Variants in CACNA1C observed in about 807,000 individuals in gnomAD.
CACNA1C encodes the protein calcium voltage-gated channel subunit alpha1 C, also known as voltage-dependent L-type calcium channel subunit alpha-1C.
Under a neutral mutation model 229.0 loss-of-function variants are expected in CACNA1C, and 30 were observed. The ratio of observed to expected loss-of-function variants is 0.13; its 90% CI spans 0.10 to 0.18. CACNA1C has a LOEUF of 0.18. CACNA1C is among the 10% of genes least tolerant of loss of function. The probability of loss-of-function intolerance (pLI) is 1.00; values close to 1 mark genes in which losing one functional copy is unlikely to be tolerated. For synonymous variants in CACNA1C, 1,114 were observed against 1,132.5 expected, an observed-to-expected ratio of 0.98 and a Z score of 0.33; for missense variants, 1,658 against 2,845.0, an observed-to-expected ratio of 0.58 and a Z score of 9.49.
Position 2,346,932 on chromosome 12 carries a change from C to T in CACNA1C, c.478-102044C>T, listed in dbSNP as rs569872418. 1.3e-5 allele frequency among the ~76,000 whole-genome samples: 2 copies of T among 152,294 alleles called. No homozygotes were observed. The highest frequency in any genetic ancestry group is 3.9e-4 in the East Asian group (2 of 5,184). Reference sequence around the variant, plus strand: ...ATTTTTGCTGGTGTCTCCCTCTTCTCAGAATGCTAGTCCTTTGTATAACCC... The same window carrying T: ...ATTTTTGCTGGTGTCTCCCTCTTCTTAGAATGCTAGTCCTTTGTATAACCC... On this transcript the variant is annotated intron_variant, in intron 3 of 46. Coordinates refer to ENST00000399655, the MANE Select transcript of CACNA1C (RefSeq NM_000719.7). The surrounding 1 kb of genome is among the most constrained non-coding windows in gnomAD (Gnocchi z 4.4).
rs527626072 is a variant in CACNA1C, at chr12:2,597,969, G to A, written c.2853+680G>A. 5.3e-5 allele frequency among the ~76,000 whole-genome samples: 8 copies of A among 152,356 alleles called. No individual in the cohort carries two copies. In the South Asian group the frequency reaches 1.7e-3, roughly 32 times the overall value. ...TACTCTCTTTGGATGCCCATCCTTAGCACCTTCCTCAGTACTTGCAGCAGA... is the reference window on the plus strand; with the variant it reads ...TACTCTCTTTGGATGCCCATCCTTAACACCTTCCTCAGTACTTGCAGCAGA... On this transcript the variant is annotated intron_variant, in intron 21 of 46. Transcript: ENST00000399655. This position sits in a 1 kb window ranked among gnomAD's most constrained non-coding sequence, Gnocchi z 4.3.
At chr12:2,399,122 G>A (rs73037256) in intron 3 of CACNA1C, among the ~76,000 whole-genome samples, 9,706 of 152,242 alleles carry the variant, frequency 0.064, 341 homozygotes, top group African/African-American at 0.098. Flanking sequence ...GCAGGTGAGT[G>A]GGTGCAGGAG....
At chr12:2,167,375 T>G (rs1001568838) in intron 3 of CACNA1C, among the ~76,000 whole-genome samples, 4 of 152,244 alleles carry the variant, frequency 2.6e-5, no homozygotes, top group Admixed American at 1.3e-4. Flanking sequence ...TCTCCATTGA[T>G]TGCCTATTAA....
rs887001 is a variant in CACNA1C at position 2,485,845 on chromosome 12, A to C, written c.758-259A>C. 0.39 allele frequency among the ~76,000 whole-genome samples: 59,754 copies of C among 152,016 alleles called. 12,868 individuals are homozygous for C. Among genetic ancestry groups the C allele is most frequent in the East Asian group, 0.74 (3,808 of 5,142 alleles). ...TTTGACAGTTATGGATGGAAACAAC[A>C]TGTTCTTCCCCTTGGAAGTACAGCA... On this transcript the variant is annotated intron_variant, in intron 5 of 46. Transcript: ENST00000399655.
rs190221767 is a variant in CACNA1C at position 2,228,674 on chromosome 12, G to C, written c.477+108244G>C. On this transcript the variant is annotated intron_variant, in intron 3 of 46. Coordinates refer to ENST00000399655, the MANE Select transcript of CACNA1C (RefSeq NM_000719.7). ...GTGAATATTCAGCTCCTTTTCTCCAGGTACACTCATTCCATCATTTCATCT... is the reference window on the plus strand; with the variant it reads ...GTGAATATTCAGCTCCTTTTCTCCACGTACACTCATTCCATCATTTCATCT... Among the ~76,000 whole-genome samples the C allele has an allele frequency of 3.1e-3, 474 of 152,272 alleles. 2 individuals are homozygous for C. Among genetic ancestry groups the C allele is most frequent in the African/African-American group, 0.011 (460 of 41,556 alleles).
chr12:2,680,293 G>A (rs1175744178), intron 42 of CACNA1C: 1 of 1,163,162 alleles, frequency 8.6e-7, no homozygotes, highest in Non-Finnish European at 1.2e-6. Flanking sequence ...GATCATTCCT[G>A]GAGGTCTTGA....
At chr12:2,648,008 C>T (rs1190673985) in intron 30 of CACNA1C, among the ~76,000 whole-genome samples, 1 of 152,026 alleles carries the variant, frequency 6.6e-6, no homozygotes, top group African/African-American at 2.4e-5. Flanking sequence ...CATGGTGGCA[C>T]GTTCCTATAG....
chr12:2,083,767 A>G (rs1038459135), intron 1 of CACNA1C, among the ~76,000 whole-genome samples: 16 of 152,216 alleles, frequency 1.1e-4, no homozygotes, highest in Non-Finnish European at 1.9e-4. Context: ...AGAGCTGTCA[A>G]TAAATACTGA....
rs367860917 is a variant in CACNA1C, at chr12:2,486,252, G to A, written c.906G>A (p.Glu302=). 92 of 1,613,148 alleles carry A rather than the reference G, an allele frequency of 5.7e-5. No individual in the cohort carries two copies. In the Middle Eastern group the frequency reaches 9.9e-4, roughly 17 times the overall value. Residue 302 remains glutamate (E), a synonymous_variant, in exon 6 of 47, where the codon GAG becomes GAA. Coordinates refer to ENST00000399655, the MANE Select transcript of CACNA1C (RefSeq NM_000719.7). This position sits in a 1 kb window ranked among gnomAD's most constrained non-coding sequence, Gnocchi z 4.9. ...TGCACAAGACCTGCTACAACCAGGA[G>A]GGCATAGCAGGTAAGAGGGGCAGGC... ...GKMHKTCYNQ[E]GIADVPAEDD...
At chr12:2,320,142 G>A (rs1404912728) in intron 3 of CACNA1C, among the ~76,000 whole-genome samples, 1 of 152,122 alleles carries the variant, frequency 6.6e-6, no homozygotes, top group Non-Finnish European at 1.5e-5. Context: ...TACTGACCTG[G>A]GCCCCTGACT....
chr12:2,298,537 T>C (rs2094280833), intron 3 of CACNA1C, among the ~76,000 whole-genome samples: 1 of 152,144 alleles, frequency 6.6e-6, no homozygotes, highest in Admixed American at 6.5e-5. Context: ...GACCTTGTGA[T>C]CTGCCCGCCT....
intron 3 of CACNA1C, among the ~76,000 whole-genome samples, chr12:2,185,811 G>A (rs375737008): frequency 1.9e-4 from 29 of 152,244 alleles, no homozygotes; most frequent in African/African-American, 6.3e-4. Flanking sequence ...GGGCAGAAGC[G>A]GCCTGGGAGT....
At chr12:2,366,712 C>A (rs1313370711) in intron 3 of CACNA1C, among the ~76,000 whole-genome samples, 2 of 152,170 alleles carry the variant, frequency 1.3e-5, no homozygotes, top group African/African-American at 4.8e-5. Context: ...TCTGTTCTCA[C>A]ACTGTTATAA....
At chr12:2,673,752 C>T (rs1028283783) in intron 38 of CACNA1C, among the ~76,000 whole-genome samples, 7 of 152,146 alleles carry the variant, frequency 4.6e-5, no homozygotes, top group Non-Finnish European at 1.0e-4. Context: ...TCTTCCAGGC[C>T]GGCTGGAGAG....
chr12:2,284,534 A>G (rs1026692415), intron 3 of CACNA1C, among the ~76,000 whole-genome samples: 7 of 152,194 alleles, frequency 4.6e-5, no homozygotes, highest in Non-Finnish European at 7.4e-5. Context: ...TATGCTGTCA[A>G]CTCTTTAGGG....
chr12:2,403,968 C>T lies in CACNA1C; in HGVS notation c.478-45008C>T, dbSNP rs1379379076. Among the ~76,000 whole-genome samples the T allele has an allele frequency of 6.6e-6, 1 of 152,186 alleles. No individual in the cohort carries two copies. The highest frequency in any genetic ancestry group is 1.5e-5 in the Non-Finnish European group (1 of 68,036). Reference sequence around the variant, plus strand: ...TACAGAAATCCTCTAGTCAGAATGTCCTTGCTGTGTACCAGGGCACACTGT... The same window carrying T: ...TACAGAAATCCTCTAGTCAGAATGTTCTTGCTGTGTACCAGGGCACACTGT... On this transcript the variant is annotated intron_variant, in intron 3 of 46. Coordinates refer to ENST00000399655, the MANE Select transcript of CACNA1C (RefSeq NM_000719.7). The surrounding 1 kb of genome is among the most constrained non-coding windows in gnomAD (Gnocchi z 4.1).
chr12:2,021,540 C>T (rs995611861), intron 1 of CACNA1C, among the ~76,000 whole-genome samples: 7 of 151,996 alleles, frequency 4.6e-5, no homozygotes, highest in East Asian at 3.9e-4. Context: ...ATAAGCAGGG[C>T]GTAGTGGTAG....
At chr12:2,160,115 C>T (rs1436998782) in intron 3 of CACNA1C, among the ~76,000 whole-genome samples, 4 of 152,182 alleles carry the variant, frequency 2.6e-5, no homozygotes, top group African/African-American at 9.7e-5. Context: ...CTCTGGATTT[C>T]TGCTGGGTGT....
chr12:2,321,847 G>T (rs2096015301), intron 3 of CACNA1C, among the ~76,000 whole-genome samples: 1 of 152,190 alleles, frequency 6.6e-6, no homozygotes, highest in African/African-American at 2.4e-5. Flanking sequence ...TGATTATGTT[G>T]TGATGGCAAC....
Sources: allele counts gnomAD v4.1 joint callset (sites outside exome capture counted in the v4.1 genomes callset), GRCh38; gene constraint gnomAD v4.1.1; non-coding constraint Gnocchi (gnomAD v3.1); transcripts MANE v1.5; gene names NCBI Gene and HGNC (gene_info 2026-07-23, HGNC 2026-07-21).